Variants in NCOA2 observed in about 807,000 individuals in gnomAD.
The protein encoded by NCOA2 is class E basic helix-loop-helix protein 75.
A neutral mutation model predicts 145.1 loss-of-function variants in NCOA2; 21 were observed. The ratio of observed to expected loss-of-function variants is 0.14; its 90% CI spans 0.10 to 0.21. The LOEUF (loss-of-function observed/expected upper bound fraction) is 0.21, where lower values mean the gene tolerates loss of function less well. NCOA2 is among the 10% of genes least tolerant of loss of function. NCOA2 has a pLI of 1.00. For synonymous variants in NCOA2, 619 were observed against 637.5 expected (o/e 0.97, Z 0.44); for missense variants, 1,472 against 1,837.6 (o/e 0.80, Z 3.64).
At chr8:70,141,459 T>A in intron 13 of NCOA2, 60 bp from the exon 14 acceptor site, 1 of 1,400,904 alleles carries the variant, frequency 7.1e-7, no homozygotes, top group Non-Finnish European at 1.0e-6. Flanking sequence ...TTAGCATGTA[T>A]GAACACCAGA....
intron 2 of NCOA2, among the ~76,000 whole-genome samples, chr8:70,270,751 G>T (rs79768181): frequency 0.034 from 5,222 of 152,132 alleles, 299 homozygotes; most frequent in African/African-American, 0.12. Flanking sequence ...TATTTGAGTT[G>T]CTCTCATTAA....
At chr8:70,306,844 A>G (rs1366792940) in intron 1 of NCOA2, among the ~76,000 whole-genome samples, 1 of 152,084 alleles carries the variant, frequency 6.6e-6, no homozygotes, top group East Asian at 1.9e-4. Context: ...GTGCCATCAC[A>G]CTCCAGCCTG....
intron 1 of NCOA2, among the ~76,000 whole-genome samples, chr8:70,323,028 C>G (rs16936916): frequency 0.13 from 19,096 of 152,158 alleles, 1,992 homozygotes; most frequent in African/African-American, 0.29. Context: ...GAGAGGCAAG[C>G]AGGTATTTCC....
intron 13 of NCOA2, among the ~76,000 whole-genome samples, 196 bp from the exon 14 acceptor site, chr8:70,141,595 C>G (rs964961734): frequency 2.0e-5 from 3 of 152,184 alleles, no homozygotes; most frequent in Non-Finnish European, 4.4e-5. Flanking sequence ...GTTTTCATAA[C>G]ATGGACCTGC....
intron 4 of NCOA2, among the ~76,000 whole-genome samples, chr8:70,188,264 A>G (rs1816299350): frequency 6.6e-6 from 1 of 152,246 alleles, no homozygotes; most frequent in South Asian, 2.1e-4. Flanking sequence ...AAATTACATC[A>G]ACGGACAGTG....
intron 2 of NCOA2, among the ~76,000 whole-genome samples, chr8:70,274,734 CA>C (rs1350033658): frequency 1.3e-5 from 2 of 152,214 alleles, no homozygotes; most frequent in Non-Finnish European, 2.9e-5. Flanking sequence ...TTATAGAACA[CA>C]GCAATTATTC....
rs1444540221 is a variant in NCOA2, at chr8:70,228,950, C to T, written c.-19-12186G>A. ...CAGAGACACCACGACACAGTATATA[C>T]GTGTTCATAGCACAAATATATGATT... On this transcript the variant is annotated intron_variant, in intron 2 of 22. Transcript: ENST00000452400. 6.6e-5 allele frequency among the ~76,000 whole-genome samples: 10 copies of T among 152,178 alleles called. No individual in the cohort carries two copies. The East Asian group carries it at 9.6e-4, about 15-fold the overall frequency.
chr8:70,172,924 A>T (rs1814415055), intron 5 of NCOA2, among the ~76,000 whole-genome samples: 1 of 152,192 alleles, frequency 6.6e-6, no homozygotes, highest in Non-Finnish European at 1.5e-5. Flanking sequence ...GTTGCCTAGC[A>T]ACCACTATGC....
intron 1 of NCOA2, among the ~76,000 whole-genome samples, chr8:70,367,777 G>A (rs1810847916): frequency 6.6e-6 from 1 of 152,084 alleles, no homozygotes; most frequent in African/African-American, 2.4e-5. Context: ...AAAAATAACA[G>A]ATAACACTTC....
chr8:70,213,296 T>C (rs1221664459), intron 4 of NCOA2, among the ~76,000 whole-genome samples: 3 of 152,138 alleles, frequency 2.0e-5, no homozygotes, highest in Non-Finnish European at 2.9e-5. Flanking sequence ...GATATTTTTC[T>C]GTAGGCATAA....
intron 2 of NCOA2, among the ~76,000 whole-genome samples, chr8:70,235,489 T>TA (rs2134313966): frequency 1.3e-5 from 2 of 152,262 alleles, no homozygotes; most frequent in East Asian, 3.9e-4. Context: ...ACATCCAAGA[T>TA]AACCAGGTAC....
At chr8:70,403,177 A>C (rs1814522849) in intron 1 of NCOA2, among the ~76,000 whole-genome samples, 1 of 150,982 alleles carries the variant, frequency 6.6e-6, no homozygotes, top group South Asian at 2.1e-4. Flanking sequence ...CCATTAAAGA[A>C]TGCACCTTCC....
At chr8:70,185,127 G>T (rs893269358) in intron 4 of NCOA2, among the ~76,000 whole-genome samples, 9 of 152,056 alleles carry the variant, frequency 5.9e-5, no homozygotes, top group Non-Finnish European at 1.2e-4. Context: ...ATCATATGTA[G>T]ACTCTTCTCC....
chr8:70,369,591 C>A (rs1024568399), intron 1 of NCOA2, among the ~76,000 whole-genome samples: 1 of 152,110 alleles, frequency 6.6e-6, no homozygotes, highest in Non-Finnish European at 1.5e-5. Flanking sequence ...GCAGAAGGCA[C>A]ACAATCTTTA....
At chr8:70,339,665 C>A (rs976794398) in intron 1 of NCOA2, among the ~76,000 whole-genome samples, 1 of 152,162 alleles carries the variant, frequency 6.6e-6, no homozygotes, top group Admixed American at 6.5e-5. Context: ...CTGGAGGCAT[C>A]ACACTACCCG....
At chr8:70,334,483 G>A (rs66548983) in intron 1 of NCOA2, among the ~76,000 whole-genome samples, 10,471 of 152,150 alleles carry the variant, frequency 0.069, 426 homozygotes, top group African/African-American at 0.11. Context: ...TTCCCTCTGA[G>A]AACTCCATCT....
At chr8:70,207,996 A>G (rs1386548717) in intron 4 of NCOA2, among the ~76,000 whole-genome samples, 1 of 152,058 alleles carries the variant, frequency 6.6e-6, no homozygotes, top group Non-Finnish European at 1.5e-5. Flanking sequence ...TCATGCCTAT[A>G]ATCACAGCAC....
the NCOA2 span, among the ~76,000 whole-genome samples, chr8:70,421,224 T>G: frequency 1.3e-5 from 2 of 151,688 alleles, no homozygotes; most frequent in Admixed American, 1.3e-4. Flanking sequence ...TGACAGAACT[T>G]GAGAGGGGAA....
In NCOA2 at chr8:70,157,245, A is replaced by G. The variant is rs773993995; in HGVS notation, c.1125-5T>C. 8 of 1,506,106 alleles carry G rather than the reference A, an allele frequency of 5.3e-6. No individual in the cohort carries two copies. Among genetic ancestry groups the G allele is most frequent in the South Asian group, 2.8e-5 (2 of 71,332 alleles). 93.3% of individuals were successfully genotyped at this position (1,506,106 alleles called of 1,614,324 possible). On this transcript the variant is annotated splice_region_variant and splice_polypyrimidine_tract_variant and intron_variant, in intron 10 of 22. Coordinates refer to ENST00000452400, the MANE Select transcript of NCOA2 (RefSeq NM_006540.4). ...ATCACACACACATTCTGCTCTCTGT[A>G]TAACGAGAAAAGAAAAAAATGTAAG...
Sources: allele counts gnomAD v4.1 joint callset (sites outside exome capture counted in the v4.1 genomes callset), GRCh38; gene constraint gnomAD v4.1.1; transcripts MANE v1.5; gene names NCBI Gene and HGNC (gene_info 2026-07-23, HGNC 2026-07-21).